IL1R1: variants seen among roughly 807,000 people sequenced by gnomAD.
The protein encoded by IL1R1 is interleukin-1 receptor type 1.
A neutral mutation model predicts 50.2 loss-of-function variants in IL1R1; 22 were observed. The ratio of observed to expected loss-of-function variants is 0.44; its 90% CI spans 0.31 to 0.63. The LOEUF is 0.63. Ranked by LOEUF, IL1R1 falls within the 20% of genes least tolerant of loss-of-function variation. The pLI is 0.07. For missense variants in IL1R1, 509 were observed against 676.2 expected (o/e 0.75, Z 2.74); for synonymous variants, 251 against 236.7 (o/e 1.06, Z -0.55).
At chr2:102,121,960 A>G (rs549845231) in intron 1 of IL1R1, among the ~76,000 whole-genome samples, 28 of 152,290 alleles carry the variant, frequency 1.8e-4, no homozygotes, top group African/African-American at 6.7e-4. Context: ...TCCTTTAAAA[A>G]TGTGAAGCTG....
Position 102,135,077 on chromosome 2 carries a change from T to C in IL1R1, c.-83-18864T>C, listed in dbSNP as rs1028485807. The stretch of plus-strand genomic sequence containing the variant: ...TTCTTGGAGAATAAACAAAAAGGAA[T>C]GACAAAAATGTAGAACATGGTAAGA... On this transcript the variant is annotated intron_variant, in intron 1 of 10. Coordinates refer to the IL1R1 transcript ENST00000409329. Among the ~76,000 whole-genome samples, 7 of 152,158 alleles carry C rather than the reference T, an allele frequency of 4.6e-5. No homozygotes were observed. In the East Asian group the frequency reaches 1.3e-3, roughly 29 times the overall value.
In IL1R1 at chr2:102,171,831, C is replaced by A; in HGVS notation, c.752C>A (p.Thr251Asn). Reference sequence around the variant, plus strand: ...CAGATACAATTGATCTGTAATGTCACCGGCCAGTTGAGTGACATTGCTTAC... The same window carrying A: ...CAGATACAATTGATCTGTAATGTCAACGGCCAGTTGAGTGACATTGCTTAC... ...GSQIQLICNV[T>N]GQLSDIAYWK... The change falls in exon 8 of 12, where the codon ACC (threonine) becomes AAC (asparagine). Residue 251 changes from threonine to asparagine, a missense_variant. Physicochemically the swap from Thr to Asn is moderately conservative, Grantham distance 65 (BLOSUM62 0). Transcript: ENST00000410023. 6.2e-7 allele frequency: 1 copy of A among 1,606,076 alleles called. No homozygotes were observed. The highest frequency in any genetic ancestry group is 8.5e-7 in the Non-Finnish European group (1 of 1,174,170).
intron 1 of IL1R1, among the ~76,000 whole-genome samples, chr2:102,124,784 C>T (rs1348050529): frequency 6.6e-6 from 1 of 151,298 alleles, no homozygotes; most frequent in African/African-American, 2.4e-5. Flanking sequence ...GGTGTGGTGG[C>T]TGGCACTTGT....
At position 102,165,222 on chromosome 2, in the gene IL1R1, C is replaced by T. The variant is rs761490353; in HGVS notation, c.404C>T (p.Ala135Val). 3 of 1,608,160 alleles carry T rather than the reference C, an allele frequency of 1.9e-6. No individual in the cohort carries two copies. In the Admixed American group the frequency reaches 5.1e-5, roughly 27 times the overall value. The change falls in exon 5 of 12, where the codon GCA (alanine) becomes GTA (valine). Residue 135 changes from alanine to valine, a missense_variant. Ala to Val is a moderately conservative substitution (Grantham distance 64, BLOSUM62 0). Coordinates refer to ENST00000410023, the MANE Select transcript of IL1R1 (RefSeq NM_000877.4). ...QAIFKQKLPVAGDGGLVCPYM... is the reference protein window; with the variant it reads ...QAIFKQKLPVVGDGGLVCPYM... Reference sequence around the variant, plus strand: ...ATATTTAAGCAGAAACTACCCGTTGCAGGAGACGGAGGACTTGTGTGCCCT... The same window carrying T: ...ATATTTAAGCAGAAACTACCCGTTGTAGGAGACGGAGGACTTGTGTGCCCT...
chr2:102,094,734 G>T (rs1310610019), intron 1 of IL1R1, among the ~76,000 whole-genome samples: 1 of 152,250 alleles, frequency 6.6e-6, no homozygotes, highest in Admixed American at 6.5e-5. Flanking sequence ...TTACCAGGTT[G>T]CAGTCAGCCA....
rs1043250443 is a variant in IL1R1, at chr2:102,176,682, C to G, written c.1633C>G (p.Pro545Ala). 36 of 1,614,200 alleles carry G rather than the reference C, an allele frequency of 2.2e-5. No homozygotes were observed. Among genetic ancestry groups the G allele is most frequent in the Non-Finnish European group, 3.1e-5 (36 of 1,180,036 alleles). ...CCACATGCCAGTCCAGCGACGGTCA[C>G]CTTCATCTAAACACCAGTTACTGTC... Reference protein sequence around the residue: ...RYHMPVQRRSPSSKHQLLSPA... With the variant: ...RYHMPVQRRSASSKHQLLSPA... Residue 545 changes from proline (P) to alanine (A), a missense_variant, in exon 12 of 12, where the codon CCT becomes GCT. Pro to Ala is a conservative substitution (Grantham distance 27, BLOSUM62 -1). Coordinates refer to ENST00000410023, the MANE Select transcript of IL1R1 (RefSeq NM_000877.4).
intron 2 of IL1R1, among the ~76,000 whole-genome samples, chr2:102,155,257 G>A (rs2104515906): frequency 6.6e-6 from 1 of 152,316 alleles, no homozygotes; most frequent in African/African-American, 2.4e-5. Context: ...TTTGCATGTG[G>A]CCATTCATTT....
chr2:102,123,429 G>A (rs1403994134), intron 1 of IL1R1, among the ~76,000 whole-genome samples: 1 of 151,986 alleles, frequency 6.6e-6, no homozygotes. Context: ...AAATATTAAC[G>A]GTAAATGAAA....
chr2:102,130,780 G>A (rs1053974551), intron 1 of IL1R1, among the ~76,000 whole-genome samples: 47 of 152,182 alleles, frequency 3.1e-4, no homozygotes, highest in African/African-American at 1.1e-3. Flanking sequence ...CAGAAACTGT[G>A]TCAGTAGATT....
intron 1 of IL1R1, among the ~76,000 whole-genome samples, chr2:102,127,758 G>A (rs1486479668): frequency 3.3e-5 from 5 of 151,910 alleles, no homozygotes; most frequent in African/African-American, 1.2e-4. Context: ...AAATCTCTTT[G>A]GCAATAGTGA....
At chr2:102,132,012 T>C (rs1348933247) in intron 1 of IL1R1, among the ~76,000 whole-genome samples, 3 of 151,716 alleles carry the variant, frequency 2.0e-5, no homozygotes, top group African/African-American at 4.8e-5. Flanking sequence ...ATAGAAACAA[T>C]GCAAGCTAGA....
chr2:102,111,739 ACT>A (rs1450478488), intron 1 of IL1R1, among the ~76,000 whole-genome samples: 4 of 152,088 alleles, frequency 2.6e-5, no homozygotes, highest in East Asian at 1.9e-4. Context: ...AACACGGGTA[ACT>A]CTGCCCCAGG....
intron 3 of IL1R1, 131 bp from the exon 4 acceptor site, chr2:102,164,626 GATAATGATCTTATCACA>G: frequency 1.6e-6 from 1 of 617,996 alleles, no homozygotes; most frequent in Non-Finnish European, 2.8e-6. Context: ...AGACTCCCCA[GATAATGATCTTATCACA>G]AGGCTGTAAA....
At chr2:102,094,604 C>A (rs1314945122) in intron 1 of IL1R1, among the ~76,000 whole-genome samples, 1 of 152,094 alleles carries the variant, frequency 6.6e-6, no homozygotes. Flanking sequence ...GTGTATTTAT[C>A]ATTTTATAAA....
intron 1 of IL1R1, among the ~76,000 whole-genome samples, chr2:102,096,994 T>C (rs933470395): frequency 1.3e-5 from 2 of 152,094 alleles, no homozygotes; most frequent in Non-Finnish European, 2.9e-5. Flanking sequence ...ACCTCTGTCA[T>C]GTACTAACTT....
At position 102,119,007 on chromosome 2, in the gene IL1R1, G is replaced by A. The variant is rs536479297; in HGVS notation, c.-84+14135G>A. On this transcript the variant is annotated intron_variant, in intron 1 of 10. Coordinates refer to the IL1R1 transcript ENST00000409329. ...CTCTCCAGCTTGGGCAACACAGTGA[G>A]ACTGTGTCTCAAAAAAAAAAAAAAA... Among the ~76,000 whole-genome samples the A allele has an allele frequency of 2.6e-3, 280 of 107,854 alleles. 4 individuals carry two copies. Among genetic ancestry groups the A allele is most frequent in the African/African-American group, 0.01 (270 of 26,424 alleles). The allele number at this position is 107,854 out of a possible 152,430, so 70.8% of individuals were successfully genotyped here. A position where few individuals can be genotyped will look rare whatever the true frequency, so the allele number is the denominator to read the frequency against.
At position 102,087,391 on chromosome 2, in the gene IL1R1, T is replaced by G. The variant is rs149065942; in HGVS notation, c.-84+16858T>G. Reference sequence around the variant, plus strand: ...TAGCATGTGATGCTGTTTGACAGCATTTTACCCAAAGTAGAACTTCTTTCA... The same window carrying G: ...TAGCATGTGATGCTGTTTGACAGCAGTTTACCCAAAGTAGAACTTCTTTCA... On this transcript the variant is annotated intron_variant, in intron 1 of 11. Coordinates refer to the IL1R1 transcript ENST00000409929. 3.0e-3 allele frequency among the ~76,000 whole-genome samples: 452 copies of G among 152,338 alleles called. 3 individuals carry two copies. Among genetic ancestry groups the G allele is most frequent in the African/African-American group, 0.01 (436 of 41,570 alleles).
At chr2:102,099,669 T>TA (rs1680057395), upstream of IL1R1, among the ~76,000 whole-genome samples, 2 of 152,144 alleles carry the variant, frequency 1.3e-5, no homozygotes, top group African/African-American at 4.8e-5. Context: ...CTCCTTTGTA[T>TA]CAGAAGGTAC....
chr2:102,139,097 G>A (rs963865411), upstream of IL1R1, among the ~76,000 whole-genome samples: 1 of 152,062 alleles, frequency 6.6e-6, no homozygotes, highest in African/African-American at 2.4e-5. Flanking sequence ...TGGGGCTAAA[G>A]TGGACCGAGC....
Sources: gnomAD v4.1 joint callset for allele counts (sites outside exome capture counted in the v4.1 genomes callset) on GRCh38, gnomAD v4.1.1 for gene constraint, MANE v1.5 for transcripts, NCBI Gene and HGNC (gene_info 2026-07-23, HGNC 2026-07-21) for gene names.